Variants in DEPDC4 observed in about 807,000 individuals in gnomAD.
The protein encoded by DEPDC4 is DEP domain-containing protein 4.
Under a neutral mutation model 52.0 loss-of-function variants are expected in DEPDC4, and 52 were observed. That is an observed-to-expected ratio of 1.00 (90% CI 0.80 to 1.26). The LOEUF (loss-of-function observed/expected upper bound fraction) is 1.26, where lower values mean the gene tolerates loss of function less well. DEPDC4 is among the 50% of genes most tolerant of loss of function. The probability of loss-of-function intolerance (pLI) is 0.00; values close to 1 mark genes in which losing one functional copy is unlikely to be tolerated. For missense variants in DEPDC4, 530 were observed against 546.9 expected (o/e 0.97, Z 0.31); for synonymous variants, 201 against 196.8 (o/e 1.02, Z -0.18).
At chr12:100,247,153 A>G (rs1326259043) in intron 8 of DEPDC4, among the ~76,000 whole-genome samples, 5 of 150,866 alleles carry the variant, frequency 3.3e-5, no homozygotes, top group East Asian at 1.9e-4. Flanking sequence ...AAGTGCTTGT[A>G]GCACATAGCA....
At chr12:100,232,574 TGG>T (rs1592857939) in intron 9 of DEPDC4, among the ~76,000 whole-genome samples, 1 of 152,024 alleles carries the variant, frequency 6.6e-6, no homozygotes, top group Non-Finnish European at 1.5e-5. Flanking sequence ...AGGTAGACCT[TGG>T]GCCACTTTGA....
chr12:100,275,332 G>C, the DEPDC4 span, among the ~76,000 whole-genome samples: 1 of 151,972 alleles, frequency 6.6e-6, no homozygotes, highest in Non-Finnish European at 1.5e-5. Context: ...CTACTGAGTA[G>C]CTGGGACTGC....
rs11110317 is a variant in DEPDC4 at position 100,252,232 on chromosome 12, C to G, written c.1318G>C (p.Val440Leu). 3,432 of 1,333,856 alleles carry G rather than the reference C, an allele frequency of 2.6e-3. 76 individuals carry two copies. In the African/African-American group the frequency reaches 0.046, roughly 18 times the overall value. The allele number at this position is 1,333,856 out of a possible 1,614,324, so 82.6% of individuals were successfully genotyped here. ...AACCAGACCAGTTGTTCTGCCCGCA[C>G]TTTTAATAATGATTTGGCTTGCAAA... ...SVLQAKSLLK[V>L]RAEQLVWFPL... is the part of the protein sequence containing the mutation. Residue 440 changes from valine (V) to leucine (L), a missense_variant, in exon 7 of 10, where the codon GTG becomes CTG. Coordinates refer to ENST00000550587, the MANE Select transcript of DEPDC4 (RefSeq NM_001364818.2).
rs1408506846 is a variant in DEPDC4, at chr12:100,253,472, T to C, written c.1105+17A>G. ...TTTTATTACACCAAAAATTAAAATA[T>C]AAACATCCTATCTTACCTAAAAGTT... is the stretch of plus-strand genomic sequence containing the variant. On this transcript the variant is annotated intron_variant, in intron 5 of 9. Coordinates refer to ENST00000550587, the MANE Select transcript of DEPDC4 (RefSeq NM_001364818.2). 6.2e-6 allele frequency: 7 copies of C among 1,131,410 alleles called. No homozygotes were observed. The South Asian group carries it at 9.6e-5, about 16-fold the overall frequency. 70.1% of individuals were successfully genotyped at this position (1,131,410 alleles called of 1,614,324 possible).
chr12:100,271,281 A>AAAAAAGAG (rs869276181), upstream of DEPDC4, among the ~76,000 whole-genome samples: 3 of 128,906 alleles, frequency 2.3e-5, no homozygotes, highest in African/African-American at 8.3e-5. Flanking sequence ...AAAAAAAAAA[A>AAAAAAGAG]AGAGAGAGAG....
chr12:100,235,425 G>T (rs566017519), downstream of DEPDC4, among the ~76,000 whole-genome samples: 1 of 149,332 alleles, frequency 6.7e-6, no homozygotes, highest in Admixed American at 6.7e-5. Context: ...GTGGTATTTG[G>T]TTACATGAAT....
In DEPDC4 at chr12:100,240,407, C is replaced by T. The variant is rs1310600968; in HGVS notation, c.*1485G>A. 6.6e-6 allele frequency among the ~76,000 whole-genome samples: 1 copy of T among 152,126 alleles called. No homozygotes were observed. Among genetic ancestry groups the T allele is most frequent in the Non-Finnish European group, 1.5e-5 (1 of 68,026 alleles). On this transcript the variant is annotated 3_prime_UTR_variant, in exon 10 of 10. Transcript: ENST00000550587. ...CTTGAACTCCTGGACTTAAAGCAAT[C>T]CCCTCTCCCTGGCCTCCCAAAAGTG...
downstream of DEPDC4, among the ~76,000 whole-genome samples, chr12:100,235,894 T>C (rs1022779573): frequency 6.6e-6 from 1 of 152,134 alleles, no homozygotes; most frequent in African/African-American, 2.4e-5. Context: ...CTCTTAGGCC[T>C]TTGCATTCTC....
At chr12:100,258,344 G>A (rs1432265211) in intron 3 of DEPDC4, among the ~76,000 whole-genome samples, 1 of 152,022 alleles carries the variant, frequency 6.6e-6, no homozygotes, top group Admixed American at 6.5e-5. Flanking sequence ...ATACAAATTA[G>A]AGGACTAGTT....
At chr12:100,266,879 T>A in intron 1 of DEPDC4, 41 bp downstream of exon 1, 1 of 1,590,464 alleles carries the variant, frequency 6.3e-7, no homozygotes, top group South Asian at 1.1e-5. Context: ...AGCTGCCCCC[T>A]CCACCTTCAC....
At position 100,240,537 on chromosome 12, in the gene DEPDC4, T is replaced by C. The variant is rs186969164; in HGVS notation, c.*1355A>G. 4.2e-4 allele frequency among the ~76,000 whole-genome samples: 64 copies of C among 151,736 alleles called. No homozygotes were observed. The highest frequency in any genetic ancestry group is 1.4e-3 in the African/African-American group (58 of 41,336). ...TAACCTCTGCTACATTAGGGAATGA[T>C]GCCATAGAGTGAACTAACCAATTTA... On this transcript the variant is annotated 3_prime_UTR_variant, in exon 10 of 10. Transcript: ENST00000550587.
intron 4 of DEPDC4, among the ~76,000 whole-genome samples, chr12:100,254,322 T>C (rs867302929): frequency 0.14 from 15,832 of 117,038 alleles, 1,255 homozygotes; most frequent in Non-Finnish European, 0.19. Context: ...TTTTTGACTT[T>C]TTTTTTTTTT....
intron 9 of DEPDC4, 31 bp from the exon 10 acceptor site, chr12:100,241,876 A>G (rs2096160731): frequency 2.5e-6 from 3 of 1,185,860 alleles, no homozygotes; most frequent in African/African-American, 1.6e-5. Context: ...CAAAAGAAAA[A>G]GAAAAGTACC....
At chr12:100,246,753 A>G (rs2096187282) in intron 8 of DEPDC4, among the ~76,000 whole-genome samples, 1 of 152,136 alleles carries the variant, frequency 6.6e-6, no homozygotes. Context: ...CCTGGCCAAC[A>G]TGAGGAAACC....
chr12:100,239,271 T>C (rs1418201074), downstream of DEPDC4, among the ~76,000 whole-genome samples: 4 of 152,178 alleles, frequency 2.6e-5, no homozygotes, highest in African/African-American at 7.2e-5. Flanking sequence ...AGATGGGGTT[T>C]CACCATGTTG....
At chr12:100,267,894 C>G (rs1383671130), upstream of DEPDC4, 1 of 152,302 alleles carries the variant, frequency 6.6e-6, no homozygotes, top group Non-Finnish European at 1.5e-5. Flanking sequence ...AGCTTTAGTT[C>G]TGGAATGGAA....
At chr12:100,232,726 A>G (rs2096136429) in intron 9 of DEPDC4, among the ~76,000 whole-genome samples, 1 of 152,074 alleles carries the variant, frequency 6.6e-6, no homozygotes, top group Non-Finnish European at 1.5e-5. Context: ...TCTACTAAAA[A>G]TACAAAATTA....
intron 1 of DEPDC4, among the ~76,000 whole-genome samples, chr12:100,266,441 A>G (rs1345621986): frequency 6.6e-6 from 1 of 152,158 alleles, no homozygotes; most frequent in Non-Finnish European, 1.5e-5. Context: ...ACAGCGGTAC[A>G]GCCTGTTTTC....
chr12:100,250,347 C>G (rs570392787), intron 7 of DEPDC4, among the ~76,000 whole-genome samples: 37 of 152,176 alleles, frequency 2.4e-4, no homozygotes, highest in Non-Finnish European at 5.0e-4. Flanking sequence ...TCCCAAGTAG[C>G]TTGGATTACA....
Sources: allele counts gnomAD v4.1 joint callset (sites outside exome capture counted in the v4.1 genomes callset), GRCh38; gene constraint gnomAD v4.1.1; transcripts MANE v1.5; gene names NCBI Gene and HGNC (gene_info 2026-07-23, HGNC 2026-07-21).